Variants in EHBP1L1 observed in about 807,000 individuals in gnomAD.
EHBP1L1 encodes EH domain-binding protein 1-like protein 1.
A neutral mutation model predicts 151.1 loss-of-function variants in EHBP1L1; 122 were observed. The ratio of observed to expected loss-of-function variants is 0.81; its 90% confidence interval spans 0.70 to 0.94. The LOEUF (loss-of-function observed/expected upper bound fraction) is 0.94, where lower values mean the gene tolerates loss of function less well. Among genes scored for constraint, EHBP1L1 ranks in the 40% least tolerant of loss-of-function variants. EHBP1L1 has a pLI of 0.00. For missense variants in EHBP1L1, 1,941 were observed against 1,959.8 expected, an observed-to-expected ratio of 0.99 and a Z score of 0.18; for synonymous variants, 878 against 810.1, an observed-to-expected ratio of 1.08 and a Z score of -1.42.
intron 8 of EHBP1L1, 63 bp from the exon 9 acceptor site, chr11:65,581,476 C>T (rs1283702601): frequency 5.8e-5 from 82 of 1,413,158 alleles, no homozygotes; most frequent in Non-Finnish European, 6.3e-5. Context: ...TGAAGGGTGG[C>T]GGATGGTGCT....
At chr11:65,580,292 CTGTG>C (rs771714658) in intron 5 of EHBP1L1, 33 bp downstream of exon 5, 1 of 1,613,184 alleles carries the variant, frequency 6.2e-7, no homozygotes. Flanking sequence ...TGATCCTGGC[CTGTG>C]ACCTCTGACT....
rs1225707994 is a variant in EHBP1L1 at position 65,585,522 on chromosome 11, G to C, written c.3864G>C (p.Ser1288=). The change falls in exon 12 of 19, where the codon TCG becomes TCC. Residue 1288 remains serine, a synonymous_variant. Coordinates refer to ENST00000309295, the MANE Select transcript of EHBP1L1 (RefSeq NM_001099409.3). The surrounding 1 kb of genome is among the most constrained non-coding windows in gnomAD (Gnocchi z 4.0). ...CGGACCTGCTCAAGAAGAGGCGCTC[G>C]CGGCTGCGGAACAGCAGCTCGTTCT... ...RDADLLKKRR[S]RLRNSSSFSM... is the part of the protein sequence containing the mutation. 2 of 1,571,322 alleles carry C rather than the reference G, an allele frequency of 1.3e-6. No homozygotes were observed. Among genetic ancestry groups the C allele is most frequent in the Non-Finnish European group, 1.7e-6 (2 of 1,165,956 alleles).
At chr11:65,580,936 G>A (rs1004662367) in intron 6 of EHBP1L1, 122 bp from the exon 7 acceptor site, 16 of 1,453,242 alleles carry the variant, frequency 1.1e-5, no homozygotes, top group East Asian at 5.1e-5. Context: ...AGGCCGGGGC[G>A]GTGCCCTGAG....
At chr11:65,579,836 A>AAT in intron 3 of EHBP1L1, 100 bp from the exon 4 acceptor site, 1 of 1,347,300 alleles carries the variant, frequency 7.4e-7, no homozygotes, top group South Asian at 1.3e-5. Context: ...CAAAAAAAAA[A>AAT]AAAAAGCCAC....
In EHBP1L1 at chr11:65,579,120, A is replaced by C; in HGVS notation, c.147A>C (p.Arg49=). 6.3e-7 allele frequency: 1 copy of C among 1,594,828 alleles called. No individual in the cohort carries two copies. Among genetic ancestry groups the C allele is most frequent in the Non-Finnish European group, 8.5e-7 (1 of 1,170,932 alleles). ...TGGTGGTATGGACCCGTCGGAACCG[A>C]CGCATCTGCTCCAAGGTGGGGAAGG... The part of the protein sequence containing the change: ...KLVVVWTRRN[R]RICSKAHSWQ... Residue 49 remains arginine (R), a synonymous_variant, in exon 2 of 19, where the codon CGA becomes CGC. Coordinates refer to ENST00000309295, the MANE Select transcript of EHBP1L1 (RefSeq NM_001099409.3).
At chr11:65,577,892 A>G (rs2135222523) in intron 1 of EHBP1L1, among the ~76,000 whole-genome samples, 1 of 152,302 alleles carries the variant, frequency 6.6e-6, no homozygotes, top group Non-Finnish European at 1.5e-5. Context: ...TCAGACGAAC[A>G]GTGAGCTGGG....
chr11:65,590,438 C>A, intron 15 of EHBP1L1, 55 bp from the exon 16 acceptor site: 1 of 1,591,606 alleles, frequency 6.3e-7, no homozygotes, highest in Non-Finnish European at 8.6e-7. Flanking sequence ...CCCCAGCTGC[C>A]CTACCCTGAC....
In EHBP1L1 at chr11:65,576,311, G is replaced by A. The variant is rs556696728; in HGVS notation, c.9G>A (p.Ser3=). The A allele has an allele frequency of 2.5e-6, 4 of 1,593,144 alleles. No homozygotes were observed. The highest frequency in any genetic ancestry group is 2.6e-6 in the Non-Finnish European group (3 of 1,171,168). Reference sequence around the variant, plus strand: ...GCGGGGTGGCGGGGGCCATGACCTCGGTGTGGAAGCGCCTGCAGCGCGTGG... The same window carrying A: ...GCGGGGTGGCGGGGGCCATGACCTCAGTGTGGAAGCGCCTGCAGCGCGTGG... MT[S]VWKRLQRVGK... is the part of the protein sequence containing the mutation. Residue 3 remains serine, a synonymous_variant, in exon 1 of 19, where the codon TCG becomes TCA. Coordinates refer to ENST00000309295, the MANE Select transcript of EHBP1L1 (RefSeq NM_001099409.3).
chr11:65,591,769 CCCCCG>C, intron 16 of EHBP1L1, 26 bp from the exon 17 acceptor site: 1 of 858,994 alleles, frequency 1.2e-6, no homozygotes, highest in Non-Finnish European at 1.9e-6. Context: ...AACTGCCACC[CCCCCG>C]CCACCCACCC....
chr11:65,577,454 C>T (rs918288575), intron 1 of EHBP1L1, among the ~76,000 whole-genome samples: 2 of 152,252 alleles, frequency 1.3e-5, no homozygotes, highest in Non-Finnish European at 2.9e-5. Flanking sequence ...TGGCCTCTGG[C>T]TCCTGCTCCA....
rs1467641269 is a variant in EHBP1L1, at chr11:65,585,147, C to T, written c.3489C>T (p.Gly1163=). 1 of 1,436,848 alleles carries T rather than the reference C, an allele frequency of 7.0e-7. No individual in the cohort carries two copies. The highest frequency in any genetic ancestry group is 9.1e-7 in the Non-Finnish European group (1 of 1,102,758). 89.0% of individuals were successfully genotyped at this position (1,436,848 alleles called of 1,614,324 possible). A position where few individuals can be genotyped will look rare whatever the true frequency, so the allele number is the denominator to read the frequency against. The change falls in exon 12 of 19, where the codon GGC becomes GGT. Residue 1163 remains glycine, a synonymous_variant. Coordinates refer to ENST00000309295, the MANE Select transcript of EHBP1L1 (RefSeq NM_001099409.3). This position sits in a 1 kb window ranked among gnomAD's most constrained non-coding sequence, Gnocchi z 4.0. ...GCGGCGCCGGCACGTACCGCGTGGGCAGCGCCCAGCCCAGCCCGCCCGACG... is the reference window on the plus strand; with the variant it reads ...GCGGCGCCGGCACGTACCGCGTGGGTAGCGCCCAGCCCAGCCCGCCCGACG... ...GGGGAGTYRV[G]SAQPSPPDDL... is the part of the protein sequence containing the mutation.
chr11:65,590,037 T>A, intron 14 of EHBP1L1, 46 bp downstream of exon 14: 1 of 1,611,340 alleles, frequency 6.2e-7, no homozygotes, highest in East Asian at 2.2e-5. Context: ...GCACCACCTA[T>A]TCAGGGCCTG....
At position 65,582,184 on chromosome 11, in the gene EHBP1L1, GGAGA is replaced by G. The variant is rs1481888142; in HGVS notation, c.1518_1521del (p.Glu507ValfsTer4). On this transcript the variant is annotated frameshift_variant, in exon 9 of 19. Coordinates refer to ENST00000309295, the MANE Select transcript of EHBP1L1 (RefSeq NM_001099409.3). LOFTEE classifies it high-confidence loss of function. ...AGGGGGCCAGGGCTGCTGCAGGCCAGGAGAGAGAGGGTGCAGAAGTGAGGGGTGG... is the reference window on the plus strand; with the variant it reads ...AGGGGGCCAGGGCTGCTGCAGGCCAGGAGAGGGTGCAGAAGTGAGGGGTGG... The G allele has an allele frequency of 1.3e-6, 2 of 1,558,238 alleles. No individual in the cohort carries two copies. Among genetic ancestry groups the G allele is most frequent in the African/African-American group, 1.4e-5 (1 of 72,884 alleles).
In EHBP1L1 at chr11:65,583,549, G is replaced by T; in HGVS notation, c.2877G>T (p.Met959Ile). Residue 959 changes from methionine (M) to isoleucine (I), a missense_variant, in exon 9 of 19, where the codon ATG becomes ATT. Transcript: ENST00000309295. Reference protein sequence around the residue: ...SGAWGAQEAEMKVLESPENKS... With the variant: ...SGAWGAQEAEIKVLESPENKS... ...CTTGGGGGGCCCAGGAAGCAGAGAT[G>T]AAGGTTTTAGAGTCTCCAGAGAACA... The T allele has an allele frequency of 6.2e-7, 1 of 1,612,972 alleles. No individual in the cohort carries two copies. The highest frequency in any genetic ancestry group is 8.5e-7 in the Non-Finnish European group (1 of 1,179,550).
At chr11:65,580,285 TC>T (rs747877513) in intron 5 of EHBP1L1, 26 bp downstream of exon 5, 1 of 1,613,296 alleles carries the variant, frequency 6.2e-7, no homozygotes, top group Non-Finnish European at 8.5e-7. Flanking sequence ...CCCTCCTTGA[TC>T]CTGGCCTGTG....
chr11:65,576,834 C>T lies in EHBP1L1; in HGVS notation c.104+428C>T, dbSNP rs531246471. Among the ~76,000 whole-genome samples, 20 of 152,028 alleles carry T rather than the reference C, an allele frequency of 1.3e-4. No individual in the cohort carries two copies. In the East Asian group the frequency reaches 1.4e-3, roughly 10 times the overall value. ...AGTCCAGCTAAGAACAGAGATGTTGCCCCCTCCTCCCCTGCCATCTTGTTG... is the reference window on the plus strand; with the variant it reads ...AGTCCAGCTAAGAACAGAGATGTTGTCCCCTCCTCCCCTGCCATCTTGTTG... On this transcript the variant is annotated intron_variant, in intron 1 of 18. Transcript: ENST00000309295.
chr11:65,591,662 T>C (rs1244878796), intron 16 of EHBP1L1, 138 bp from the exon 17 acceptor site: 1 of 723,486 alleles, frequency 1.4e-6, no homozygotes, highest in South Asian at 1.5e-5. Flanking sequence ...AGGATAGCTC[T>C]GCGGTCAGCC....
intron 16 of EHBP1L1, 108 bp from the exon 17 acceptor site, chr11:65,591,692 G>A: frequency 1.1e-6 from 1 of 870,632 alleles, no homozygotes; most frequent in Non-Finnish European, 1.9e-6. Flanking sequence ...GGAACTGCTG[G>A]GGAGGTGGGA....
In EHBP1L1 at chr11:65,582,169, G is replaced by A. The variant is rs1259304549; in HGVS notation, c.1497G>A (p.Arg499=). 1 of 1,572,356 alleles carries A rather than the reference G, an allele frequency of 6.4e-7. No homozygotes were observed. Among genetic ancestry groups the A allele is most frequent in the East Asian group, 2.2e-5 (1 of 44,612 alleles). Residue 499 remains arginine (R), a synonymous_variant, in exon 9 of 19, where the codon AGG becomes AGA. Coordinates refer to ENST00000309295, the MANE Select transcript of EHBP1L1 (RefSeq NM_001099409.3). ...SGQLGDLEGA[R]AAAGQEREGA... ...AACTTGGTGACCTCGAGGGGGCCAG[G>A]GCTGCTGCAGGCCAGGAGAGAGAGG...
Sources: gnomAD v4.1 joint callset for allele counts (sites outside exome capture counted in the v4.1 genomes callset) on GRCh38, gnomAD v4.1.1 for gene constraint, Gnocchi (gnomAD v3.1) non-coding constraint, MANE v1.5 for transcripts, NCBI Gene and HGNC (gene_info 2026-07-23, HGNC 2026-07-21) for gene names.